PDE3B: variants seen among roughly 807,000 people sequenced by gnomAD.
PDE3B encodes the protein phosphodiesterase 3B.
In PDE3B, 66 loss-of-function variants were observed where a neutral mutation model predicts 116.8. The observed-to-expected ratio is 0.56, with a 90% CI of 0.46 to 0.69. The LOEUF is 0.69. Ranked by LOEUF, PDE3B falls within the 30% of genes least tolerant of loss-of-function variation. The pLI, the probability that PDE3B is intolerant of heterozygous loss-of-function variation, is 0.00. For missense variants in PDE3B, 1,384 were observed against 1,368.1 expected, an observed-to-expected ratio of 1.01 and a Z score of -0.18; for synonymous variants, 595 against 533.6, an observed-to-expected ratio of 1.12 and a Z score of -1.59.
At chr11:14,656,406 C>T (rs1590035517) in intron 1 of PDE3B, among the ~76,000 whole-genome samples, 1 of 152,144 alleles carries the variant, frequency 6.6e-6, no homozygotes, top group Non-Finnish European at 1.5e-5. Flanking sequence ...TATATTTATA[C>T]TTATTGTCAT....
At chr11:14,668,212 A>G (rs973482744) in intron 1 of PDE3B, among the ~76,000 whole-genome samples, 1 of 152,102 alleles carries the variant, frequency 6.6e-6, no homozygotes, top group African/African-American at 2.4e-5. Context: ...TTTGTAACAG[A>G]GTCCTACTTA....
chr11:14,863,949 A>G (rs1847995947), intron 14 of PDE3B, among the ~76,000 whole-genome samples: 1 of 152,242 alleles, frequency 6.6e-6, no homozygotes, highest in African/African-American at 2.4e-5. Context: ...AAATTCATAC[A>G]TAACAGTATT....
At chr11:14,802,006 T>A (rs1207960646) in intron 4 of PDE3B, among the ~76,000 whole-genome samples, 1 of 152,186 alleles carries the variant, frequency 6.6e-6, no homozygotes, top group Non-Finnish European at 1.5e-5. Flanking sequence ...CCCAGGTGGA[T>A]CTCAGACAGC....
chr11:14,687,797 T>G (rs900218475), intron 1 of PDE3B, among the ~76,000 whole-genome samples: 5 of 152,222 alleles, frequency 3.3e-5, no homozygotes, highest in African/African-American at 1.2e-4. Context: ...TGTTTATTTG[T>G]CAATATCTAA....
intron 14 of PDE3B, among the ~76,000 whole-genome samples, chr11:14,861,786 C>T (rs1482637085): frequency 6.6e-6 from 1 of 152,190 alleles, no homozygotes; most frequent in Non-Finnish European, 1.5e-5. Flanking sequence ...AAGTAAAGTA[C>T]ACTTGGAAGA....
the PDE3B span, among the ~76,000 whole-genome samples, chr11:14,889,261 T>C: frequency 2.0e-5 from 3 of 152,116 alleles, no homozygotes; most frequent in Non-Finnish European, 4.4e-5. Context: ...TCCAGAACTT[T>C]TTGGAAGCAC....
In PDE3B at chr11:14,743,063, G is replaced by A. The variant is rs764825197; in HGVS notation, c.979-28874G>A. ...GGGGGTCAGGGACCCACTTGAGGAGGCAGTCTGTCCCTTAGCAGAGCTTGA... is the reference window on the plus strand; with the variant it reads ...GGGGGTCAGGGACCCACTTGAGGAGACAGTCTGTCCCTTAGCAGAGCTTGA... On this transcript the variant is annotated intron_variant, in intron 1 of 15. Transcript: ENST00000282096. Among the ~76,000 whole-genome samples, 6 of 152,298 alleles carry A rather than the reference G, an allele frequency of 3.9e-5. 1 individual carries two copies. The South Asian group carries it at 8.3e-4, about 21-fold the overall frequency.
intron 11 of PDE3B, among the ~76,000 whole-genome samples, chr11:14,838,999 C>G (rs2133969588): frequency 6.6e-6 from 1 of 152,250 alleles, no homozygotes; most frequent in African/African-American, 2.4e-5. Context: ...ATCACCCATC[C>G]CTAATTTTAT....
At chr11:14,758,565 A>T (rs1413840581) in intron 1 of PDE3B, among the ~76,000 whole-genome samples, 1 of 147,934 alleles carries the variant, frequency 6.8e-6, no homozygotes, top group Non-Finnish European at 1.5e-5. Context: ...TCTTTGAAGC[A>T]ATTGTGAATG....
At chr11:14,784,185 G>GC in intron 2 of PDE3B, among the ~76,000 whole-genome samples, 1 of 152,206 alleles carries the variant, frequency 6.6e-6, no homozygotes, top group Non-Finnish European at 1.5e-5. Context: ...TGCCAAAAAG[G>GC]TTAGGGAACC....
At chr11:14,808,077 A>G (rs1377550309) in intron 5 of PDE3B, among the ~76,000 whole-genome samples, 1 of 151,856 alleles carries the variant, frequency 6.6e-6, no homozygotes, top group African/African-American at 2.4e-5. Context: ...AAAAAAAAAA[A>G]GTAATCTTCT....
chr11:14,660,412 C>G (rs1294593928), intron 1 of PDE3B, among the ~76,000 whole-genome samples: 3 of 151,806 alleles, frequency 2.0e-5, no homozygotes, highest in African/African-American at 7.3e-5. Flanking sequence ...AGCGATCCTC[C>G]CACTTCAGCC....
chr11:14,672,971 A>C (rs896385314), intron 1 of PDE3B, among the ~76,000 whole-genome samples: 1 of 151,722 alleles, frequency 6.6e-6, no homozygotes, highest in Admixed American at 6.6e-5. Flanking sequence ...TCTGAAAAAC[A>C]ATTCCTAAAA....
intron 12 of PDE3B, among the ~76,000 whole-genome samples, chr11:14,849,374 C>G (rs1727631063): frequency 6.6e-6 from 1 of 151,984 alleles, no homozygotes; most frequent in African/African-American, 2.4e-5. Flanking sequence ...GACCTAAAAC[C>G]ATAAAAACCC....
At chr11:14,782,860 A>C (rs1242535802) in intron 2 of PDE3B, among the ~76,000 whole-genome samples, 1 of 152,202 alleles carries the variant, frequency 6.6e-6, no homozygotes, top group Non-Finnish European at 1.5e-5. Flanking sequence ...CACTCTATCC[A>C]TCTGACAAAA....
At chr11:14,892,172 C>G in the PDE3B span, 1 of 1,610,786 alleles carries the variant, frequency 6.2e-7, no homozygotes, top group South Asian at 1.1e-5. Flanking sequence ...CCGAGCGCCG[C>G]CGCGCCCTCT....
intron 12 of PDE3B, among the ~76,000 whole-genome samples, chr11:14,849,777 A>T (rs1009291243): frequency 6.6e-6 from 1 of 152,186 alleles, no homozygotes; most frequent in African/African-American, 2.4e-5. Flanking sequence ...GCAAATCAGA[A>T]CCACAGTGAG....
intron 13 of PDE3B, among the ~76,000 whole-genome samples, chr11:14,859,682 T>C (rs1847911888): frequency 6.6e-6 from 1 of 152,232 alleles, no homozygotes. Flanking sequence ...ATACCTTCTT[T>C]ATATTAGTGA....
chr11:14,753,391 TA>T (rs1205566233), intron 1 of PDE3B, among the ~76,000 whole-genome samples: 3 of 152,158 alleles, frequency 2.0e-5, no homozygotes, highest in Non-Finnish European at 4.4e-5. Context: ...ATGATGGATA[TA>T]TTTTTTTATG....
Sources: gnomAD v4.1 joint callset for allele counts (sites outside exome capture counted in the v4.1 genomes callset) on GRCh38, gnomAD v4.1.1 for gene constraint, MANE v1.5 for transcripts, NCBI Gene and HGNC (gene_info 2026-07-23, HGNC 2026-07-21) for gene names.